FGD4: variants seen among roughly 807,000 people sequenced by gnomAD.
FGD4 encodes the protein FYVE, RhoGEF and PH domain containing 4.
In FGD4, 42 loss-of-function variants were observed where a neutral mutation model predicts 102.0. The observed-to-expected ratio is 0.41, with a 90% CI of 0.32 to 0.53. The LOEUF is 0.53. Among genes scored for constraint, FGD4 ranks in the 20% least tolerant of loss-of-function variants. The pLI is 0.21. For synonymous variants in FGD4, 380 were observed against 375.7 expected (o/e 1.01, Z -0.13); for missense variants, 902 against 1,078.2 (o/e 0.84, Z 2.29).
rs1399524363 is a variant in FGD4, at chr12:32,644,615, TAAGAA to T, written c.*4084_*4088del. On this transcript the variant is annotated 3_prime_UTR_variant, in exon 17 of 17. Transcript: ENST00000534526. The stretch of plus-strand genomic sequence containing the variant: ...ACAGAAAGGGCAGAGAGGAATAAGA[TAAGAA>T]ACTGAAACAAGCAAGAATGAAGAGA... The T allele has an allele frequency of 6.6e-6, 1 of 152,094 alleles. No homozygotes were observed. Among genetic ancestry groups the T allele is most frequent in the Non-Finnish European group, 1.5e-5 (1 of 68,000 alleles). The allele number at this position is 152,094 out of a possible 1,614,324, so 9.4% of individuals were successfully genotyped here. A position where few individuals can be genotyped will look rare whatever the true frequency, so the allele number is the denominator to read the frequency against.
At chr12:32,407,245 C>T (rs1040519450) in intron 1 of FGD4, among the ~76,000 whole-genome samples, 4 of 151,090 alleles carry the variant, frequency 2.6e-5, no homozygotes, top group Non-Finnish European at 5.9e-5. Context: ...CCTGCCTCAG[C>T]CTTCCGAGTA....
At chr12:32,526,425 G>A (rs923981611) in intron 1 of FGD4, among the ~76,000 whole-genome samples, 5 of 152,286 alleles carry the variant, frequency 3.3e-5, no homozygotes, top group Middle Eastern at 3.4e-3. Context: ...TGCTCTAGTG[G>A]GGCCTTGGAG....
intron 1 of FGD4, among the ~76,000 whole-genome samples, chr12:32,481,069 G>A (rs531476443): frequency 1.8e-4 from 26 of 144,434 alleles, no homozygotes; most frequent in Admixed American, 5.8e-4. Flanking sequence ...CCCGGCTTGC[G>A]GTGAGCTGAG....
intron 1 of FGD4, among the ~76,000 whole-genome samples, chr12:32,472,718 C>G (rs61927222): frequency 1.3e-5 from 2 of 152,174 alleles, no homozygotes; most frequent in Non-Finnish European, 2.9e-5. Context: ...CCTGCAGCCC[C>G]GGTGCGGGAT....
intron 1 of FGD4, among the ~76,000 whole-genome samples, chr12:32,553,558 G>T (rs1338910908): frequency 6.6e-6 from 1 of 152,188 alleles, no homozygotes; most frequent in East Asian, 1.9e-4. Context: ...AACAGTCAAA[G>T]TTGCCTTTTT....
At chr12:32,413,660 C>T (rs937083653) in intron 1 of FGD4, among the ~76,000 whole-genome samples, 1 of 152,274 alleles carries the variant, frequency 6.6e-6, no homozygotes, top group South Asian at 2.1e-4. Context: ...GAGCAGCAGC[C>T]TGCTGACACA....
intron 1 of FGD4, among the ~76,000 whole-genome samples, chr12:32,437,492 C>A (rs146107568): frequency 6.9e-4 from 105 of 152,302 alleles, no homozygotes; most frequent in African/African-American, 2.5e-3. Flanking sequence ...CTGGCCCAGG[C>A]CTTTTTAAAG....
intron 1 of FGD4, among the ~76,000 whole-genome samples, chr12:32,446,206 C>T (rs140225084): frequency 1.2e-4 from 18 of 152,218 alleles, no homozygotes; most frequent in African/African-American, 3.1e-4. Flanking sequence ...GGAAACATGC[C>T]TGTGGGCTAG....
At chr12:32,423,209 C>T (rs141974283) in intron 1 of FGD4, among the ~76,000 whole-genome samples, 7 of 152,250 alleles carry the variant, frequency 4.6e-5, no homozygotes, top group Non-Finnish European at 1.0e-4. Context: ...AATTGGGATT[C>T]GGCCAGAGAG....
intron 14 of FGD4, among the ~76,000 whole-genome samples, chr12:32,629,511 A>C (rs555873162): frequency 1.3e-5 from 2 of 152,320 alleles, no homozygotes; most frequent in African/African-American, 4.8e-5. Flanking sequence ...CTCATAGAAA[A>C]GTTATGATAT....
intron 1 of FGD4, among the ~76,000 whole-genome samples, chr12:32,524,797 C>T (rs899930841): frequency 1.3e-5 from 2 of 150,818 alleles, no homozygotes; most frequent in Admixed American, 6.6e-5. Flanking sequence ...TGCGATCCAC[C>T]TGGGTGACAG....
chr12:32,483,272 G>GT (rs1943811144), intron 1 of FGD4, among the ~76,000 whole-genome samples: 1 of 152,140 alleles, frequency 6.6e-6, no homozygotes, highest in South Asian at 2.1e-4. Context: ...TCTGTATTTT[G>GT]TAAAATCTAC....
rs373835136 is a variant in FGD4 at position 32,598,441 on chromosome 12, T to C, written c.1012-56T>C. 2,655 of 1,246,490 alleles carry C rather than the reference T, an allele frequency of 2.1e-3. 6 individuals are homozygous for C. The highest frequency in any genetic ancestry group is 2.8e-3 in the Non-Finnish European group (2,446 of 869,788). The allele number at this position is 1,246,490 out of a possible 1,614,324, so 77.2% of individuals were successfully genotyped here. A position where few individuals can be genotyped will look rare whatever the true frequency, so the allele number is the denominator to read the frequency against. ...TCATTTGAAGAAGCGTTTTTTACTT[T>C]AGAAATATTGTCCAAGGTATCTTTC... is the stretch of plus-strand genomic sequence containing the variant. On this transcript the variant is annotated intron_variant, in intron 4 of 16. Transcript: ENST00000534526.
At chr12:32,461,458 A>G (rs1356675437) in intron 1 of FGD4, among the ~76,000 whole-genome samples, 2 of 152,096 alleles carry the variant, frequency 1.3e-5, no homozygotes, top group Non-Finnish European at 2.9e-5. Flanking sequence ...TAGTAGTAAC[A>G]TTTCCATTTA....
chr12:32,526,707 G>T (rs1358541255), intron 1 of FGD4, among the ~76,000 whole-genome samples: 2 of 152,112 alleles, frequency 1.3e-5, no homozygotes, highest in African/African-American at 4.8e-5. Context: ...TCACTCTTTG[G>T]GTCCATGCTG....
At chr12:32,559,693 G>A (rs902434298) in intron 1 of FGD4, among the ~76,000 whole-genome samples, 3 of 152,140 alleles carry the variant, frequency 2.0e-5, no homozygotes, top group African/African-American at 4.8e-5. Flanking sequence ...TGACACTTGC[G>A]AAACCTACCA....
intron 8 of FGD4, among the ~76,000 whole-genome samples, chr12:32,610,102 A>G (rs1348474700): frequency 6.6e-6 from 1 of 152,264 alleles, no homozygotes; most frequent in East Asian, 1.9e-4. Flanking sequence ...TAATTTGCTC[A>G]TACAACTAGT....
At chr12:32,620,447 T>A (rs1299414990) in intron 11 of FGD4, among the ~76,000 whole-genome samples, 1 of 152,090 alleles carries the variant, frequency 6.6e-6, no homozygotes, top group Non-Finnish European at 1.5e-5. Flanking sequence ...CTTATATTTT[T>A]ATTTATTGAT....
At chr12:32,432,760 A>T (rs1214446533) in intron 1 of FGD4, among the ~76,000 whole-genome samples, 2 of 152,240 alleles carry the variant, frequency 1.3e-5, no homozygotes, top group East Asian at 1.9e-4. Flanking sequence ...AAGAGCAGTG[A>T]CTATACCTGT....
Sources: allele counts gnomAD v4.1 joint callset (sites outside exome capture counted in the v4.1 genomes callset), GRCh38; gene constraint gnomAD v4.1.1; transcripts MANE v1.5; gene names NCBI Gene and HGNC (gene_info 2026-07-23, HGNC 2026-07-21).